Variants in ADAMTSL1 observed in about 807,000 individuals in gnomAD.
The protein encoded by ADAMTSL1 is ADAMTS like 1.
A neutral mutation model predicts 201.8 loss-of-function variants in ADAMTSL1; 126 were observed. The observed-to-expected ratio is 0.62, with a 90% CI of 0.54 to 0.72. The LOEUF is 0.72. Among genes scored for constraint, ADAMTSL1 ranks in the 30% least tolerant of loss-of-function variants. The pLI, the probability that ADAMTSL1 is intolerant of heterozygous loss-of-function variation, is 0.00. For synonymous variants in ADAMTSL1, 1,121 were observed against 903.4 expected, an observed-to-expected ratio of 1.24 and a Z score of -4.32; for missense variants, 2,679 against 2,277.8, an observed-to-expected ratio of 1.18 and a Z score of -3.59.
intron 15 of ADAMTSL1, 63 bp from the exon 16 acceptor site, chr9:18,753,235 A>T: frequency 1.3e-6 from 2 of 1,502,518 alleles, no homozygotes; most frequent in Non-Finnish European, 1.8e-6. Context: ...ATTTGAGTTC[A>T]TGGGAAACAT....
At chr9:18,214,880 C>T (rs4424360) in intron 2 of ADAMTSL1, among the ~76,000 whole-genome samples, 97,034 of 151,996 alleles carry the variant, frequency 0.64, 31,080 homozygotes, top group Middle Eastern at 0.68. Context: ...ATGTATGTGA[C>T]CCTGAATACA....
chr9:18,235,483 G>T (rs1830811507), intron 2 of ADAMTSL1, among the ~76,000 whole-genome samples: 1 of 152,144 alleles, frequency 6.6e-6, no homozygotes, highest in Non-Finnish European at 1.5e-5. Flanking sequence ...TATTTCCATT[G>T]TCTTTGATTT....
At chr9:18,704,653 G>T (rs912628046) in intron 13 of ADAMTSL1, among the ~76,000 whole-genome samples, 2 of 152,178 alleles carry the variant, frequency 1.3e-5, no homozygotes, top group East Asian at 3.8e-4. Context: ...GGATGTGGAT[G>T]TGTAATAAAA....
At chr9:18,443,438 A>T (rs1469462271) in intron 2 of ADAMTSL1, among the ~76,000 whole-genome samples, 1 of 152,240 alleles carries the variant, frequency 6.6e-6, no homozygotes, top group East Asian at 1.9e-4. Context: ...GAACCTTCTC[A>T]GTAAGCCAGC....
At chr9:18,462,200 T>C (rs1672853963) in intron 2 of ADAMTSL1, among the ~76,000 whole-genome samples, 1 of 152,230 alleles carries the variant, frequency 6.6e-6, no homozygotes, top group Non-Finnish European at 1.5e-5. Context: ...TGTGCATGTG[T>C]TGTGTAAAGT....
At chr9:18,795,721 A>C (rs1039155730) in intron 20 of ADAMTSL1, among the ~76,000 whole-genome samples, 197 bp downstream of exon 20, 8 of 152,236 alleles carry the variant, frequency 5.3e-5, no homozygotes, top group Non-Finnish European at 1.2e-4. Flanking sequence ...AATAGTATGC[A>C]AGGACAGTAC....
intron 2 of ADAMTSL1, among the ~76,000 whole-genome samples, chr9:18,240,739 G>T (rs1243389588): frequency 6.6e-6 from 1 of 152,166 alleles, no homozygotes; most frequent in African/African-American, 2.4e-5. Context: ...TTTCATCTAC[G>T]TTGAAAATCT....
chr9:18,328,789 G>A (rs1344714452), intron 2 of ADAMTSL1, among the ~76,000 whole-genome samples: 3 of 152,142 alleles, frequency 2.0e-5, no homozygotes, highest in African/African-American at 4.8e-5. Flanking sequence ...AGAAGCACAT[G>A]GGAAGCAACT....
chr9:18,320,833 G>T, intron 2 of ADAMTSL1, among the ~76,000 whole-genome samples: 1 of 151,940 alleles, frequency 6.6e-6, no homozygotes, highest in East Asian at 1.9e-4. Context: ...CTAAAAATTT[G>T]CAAAAAGATA....
At chr9:18,519,733 G>A (rs1053381758) in intron 2 of ADAMTSL1, among the ~76,000 whole-genome samples, 5 of 152,182 alleles carry the variant, frequency 3.3e-5, no homozygotes, top group Non-Finnish European at 5.9e-5. Context: ...TACAAAAAGC[G>A]TGTTAACCAG....
chr9:18,541,146 T>G (rs567691073), intron 3 of ADAMTSL1, among the ~76,000 whole-genome samples: 1 of 152,198 alleles, frequency 6.6e-6, no homozygotes. Flanking sequence ...TACAACAAAA[T>G]TGGGAGCAGG....
chr9:18,515,532 A>T (rs575927573), intron 2 of ADAMTSL1, among the ~76,000 whole-genome samples: 52 of 152,238 alleles, frequency 3.4e-4, no homozygotes, highest in African/African-American at 1.2e-3. Context: ...ACAGGGTTTC[A>T]CTATGTTGGC....
Position 18,635,958 on chromosome 9 carries a change from T to C in ADAMTSL1, c.617T>C (p.Val206Ala). ...TTCTCTCTAGCGGATGATACTGTGGTTGCAATTCCCTATGGAAGTAGACAT... is the reference window on the plus strand; with the variant it reads ...TTCTCTCTAGCGGATGATACTGTGGCTGCAATTCCCTATGGAAGTAGACAT... The part of the protein sequence containing the change: ...LSATKSDDTV[V>A]AIPYGSRHIR... The change falls in exon 6 of 29, where the codon GTT becomes GCT. Residue 206 changes from valine (V) to alanine (A), a missense_variant. Physicochemically the swap from Val to Ala is moderately conservative, Grantham distance 64 (BLOSUM62 0). Coordinates refer to ENST00000380548, the MANE Select transcript of ADAMTSL1 (RefSeq NM_001040272.6). 1 of 1,602,134 alleles carries C rather than the reference T, an allele frequency of 6.2e-7. No homozygotes were observed. Among genetic ancestry groups the C allele is most frequent in the Non-Finnish European group, 8.5e-7 (1 of 1,177,358 alleles).
chr9:18,785,534 C>T (rs868675528), intron 19 of ADAMTSL1, among the ~76,000 whole-genome samples: 33 of 152,188 alleles, frequency 2.2e-4, no homozygotes, highest in Non-Finnish European at 3.8e-4. Context: ...GTGTTGATGG[C>T]TCAGGCACAT....
chr9:18,892,495 G>A lies in ADAMTSL1; in HGVS notation c.4750G>A (p.Val1584Met), dbSNP rs749927437. ...KLKASGISTP[V>M]SNDMCTQVAK... Reference sequence around the variant, plus strand: ...GAAAGCCTCTGGGATCTCCACCCCTGTGTCCAATGACATGTGCACCCAGGT... The same window carrying A: ...GAAAGCCTCTGGGATCTCCACCCCTATGTCCAATGACATGTGCACCCAGGT... Residue 1584 changes from valine (V) to methionine (M), a missense_variant, in exon 26 of 29, where the codon GTG (valine) becomes ATG (methionine). By Grantham distance (21) the Val-to-Met change is conservative. Transcript: ENST00000380548. The A allele has an allele frequency of 1.9e-5, 31 of 1,608,574 alleles. No individual in the cohort carries two copies. In the Middle Eastern group the frequency reaches 4.9e-4, roughly 26 times the overall value.
At chr9:18,632,760 T>C (rs1375433109) in intron 5 of ADAMTSL1, among the ~76,000 whole-genome samples, 1 of 152,166 alleles carries the variant, frequency 6.6e-6, no homozygotes, top group African/African-American at 2.4e-5. Context: ...CAGAATAATA[T>C]ATAAGAGAAG....
chr9:18,583,564 C>T (rs1823258601), intron 4 of ADAMTSL1, among the ~76,000 whole-genome samples: 1 of 150,124 alleles, frequency 6.7e-6, no homozygotes, highest in African/African-American at 2.4e-5. Context: ...CCTAGGAAAG[C>T]TGTGAGACAA....
chr9:18,469,352 A>G (rs908146325), upstream of ADAMTSL1, among the ~76,000 whole-genome samples: 4 of 152,170 alleles, frequency 2.6e-5, no homozygotes, highest in Non-Finnish European at 5.9e-5. Flanking sequence ...TTAATTCTCT[A>G]TGCCTCAGTG....
chr9:18,812,678 C>G (rs2131156948), intron 20 of ADAMTSL1, among the ~76,000 whole-genome samples: 1 of 152,202 alleles, frequency 6.6e-6, no homozygotes, highest in African/African-American at 2.4e-5. Flanking sequence ...CATTTTGGGT[C>G]TTACATTTAA....
Sources: gnomAD v4.1 joint callset for allele counts (sites outside exome capture counted in the v4.1 genomes callset) on GRCh38, gnomAD v4.1.1 for gene constraint, MANE v1.5 for transcripts, NCBI Gene and HGNC (gene_info 2026-07-23, HGNC 2026-07-21) for gene names.